CNOT1: variants seen among roughly 807,000 people sequenced by gnomAD.
CNOT1 encodes the protein CCR4-associated factor 1.
In CNOT1, 15 loss-of-function variants were observed where a neutral mutation model predicts 273.8. The observed-to-expected ratio is 0.05, with a 90% CI of 0.04 to 0.08. The LOEUF (loss-of-function observed/expected upper bound fraction) is 0.08. Among genes scored for constraint, CNOT1 ranks in the 10% least tolerant of loss-of-function variants. CNOT1 has a pLI of 1.00. For missense variants in CNOT1, 1,644 were observed against 2,912.2 expected, an observed-to-expected ratio of 0.56 and a Z score of 10.02; for synonymous variants, 1,022 against 1,005.5, an observed-to-expected ratio of 1.02 and a Z score of -0.31.
chr16:58,596,898 A>AAAAAAAC, intron 2 of CNOT1, among the ~76,000 whole-genome samples: 1 of 63,198 alleles, frequency 1.6e-5, no homozygotes, highest in African/African-American at 4.4e-5. Flanking sequence ...AAAAAAAAAA[A>AAAAAAAC]AAAAAAAAAA....
intron 29 of CNOT1, 40 bp from the exon 30 acceptor site, chr16:58,545,531 T>C (rs1597431813): frequency 1.9e-6 from 3 of 1,609,670 alleles, no homozygotes; most frequent in East Asian, 4.5e-5. Context: ...AAAAGTACAT[T>C]TGTTGACTTT....
At chr16:58,610,180 G>C (rs2042843662) in intron 1 of CNOT1, among the ~76,000 whole-genome samples, 1 of 152,226 alleles carries the variant, frequency 6.6e-6, no homozygotes. Flanking sequence ...CACTTCAGGA[G>C]GCCGAGGTGG....
chr16:58,549,224 C>T (rs1478649193), intron 25 of CNOT1, among the ~76,000 whole-genome samples: 5 of 149,290 alleles, frequency 3.3e-5, no homozygotes, highest in African/African-American at 1.2e-4. Flanking sequence ...GAGGTGGAGG[C>T]TGCAGTGAGC....
chr16:58,542,008 T>C (rs2040109623), intron 33 of CNOT1, among the ~76,000 whole-genome samples: 1 of 152,204 alleles, frequency 6.6e-6, no homozygotes, highest in South Asian at 2.1e-4. Context: ...ATGAACTCCT[T>C]AGAGTAATAA....
chr16:58,536,967 C>A (rs202206586), intron 39 of CNOT1, 22 bp downstream of exon 39: 2 of 1,612,260 alleles, frequency 1.2e-6, no homozygotes, highest in Non-Finnish European at 1.7e-6. Flanking sequence ...ATAAAAAGCA[C>A]CTTTCTTTCC....
intron 42 of CNOT1, among the ~76,000 whole-genome samples, chr16:58,530,828 G>T (rs1597403608): frequency 6.6e-6 from 1 of 150,856 alleles, no homozygotes; most frequent in Non-Finnish European, 1.5e-5. Flanking sequence ...GCATTAAAAA[G>T]ATTAAAAAGG....
At chr16:58,593,608 C>T (rs190055405) in intron 2 of CNOT1, among the ~76,000 whole-genome samples, 7 of 151,088 alleles carry the variant, frequency 4.6e-5, no homozygotes, top group African/African-American at 1.7e-4. Context: ...GTAGCACATG[C>T]CTGTAGTCCT....
chr16:58,558,778 C>T, intron 17 of CNOT1, 104 bp from the exon 18 acceptor site: 1 of 1,426,664 alleles, frequency 7.0e-7, no homozygotes, highest in Non-Finnish European at 9.4e-7. Flanking sequence ...AAAAAGCAAA[C>T]TATTACACCC....
chr16:58,534,306 A>G lies in CNOT1; in HGVS notation c.5736T>C (p.Arg1912=). ...CTEMCVEISY[R]AQAEQQHNPA... The stretch of plus-strand genomic sequence containing the variant: ...GATTGTGCTGCTGCTCAGCCTGAGC[A>G]CGGTAACTGATTTCAACACACATTT... The change falls in exon 40 of 49, where the codon CGT becomes CGC. Residue 1912 remains arginine, a synonymous_variant. Transcript: ENST00000317147. The G allele has an allele frequency of 6.2e-7, 1 of 1,614,184 alleles. No individual in the cohort carries two copies. The highest frequency in any genetic ancestry group is 8.5e-7 in the Non-Finnish European group (1 of 1,180,048).
intron 16 of CNOT1, among the ~76,000 whole-genome samples, chr16:58,567,375 C>T (rs1458962161): frequency 1.3e-5 from 2 of 151,708 alleles, no homozygotes; most frequent in East Asian, 1.9e-4. Flanking sequence ...GTAATCCCAG[C>T]GCTTTCGGAA....
At position 58,629,778 on chromosome 16, in the gene CNOT1, T is replaced by G. The variant is rs1392340360; in HGVS notation, c.-225A>C. The G allele has an allele frequency of 6.6e-6, 1 of 152,394 alleles. No homozygotes were observed. Among genetic ancestry groups the G allele is most frequent in the Admixed American group, 6.5e-5 (1 of 15,282 alleles). 9.4% of individuals were successfully genotyped at this position (152,394 alleles called of 1,614,324 possible). A position where few individuals can be genotyped will look rare whatever the true frequency, so the allele number is the denominator to read the frequency against. On this transcript the variant is annotated 5_prime_UTR_variant, in exon 1 of 49. Transcript: ENST00000317147. The stretch of plus-strand genomic sequence containing the variant: ...CACAGGAAACTCCTGGGTCCCCGAC[T>G]CCGGCTCTCCTCGACCCCCTCTTCG...
At chr16:58,559,933 T>C (rs777210607) in intron 17 of CNOT1, 1 of 834,872 alleles carries the variant, frequency 1.2e-6, no homozygotes, top group Non-Finnish European at 1.9e-6. Context: ...GCAGTGCTTA[T>C]GTCTCAAGAG....
intron 12 of CNOT1, among the ~76,000 whole-genome samples, chr16:58,579,426 A>G (rs1453919363): frequency 6.6e-6 from 1 of 152,240 alleles, no homozygotes; most frequent in Non-Finnish European, 1.5e-5. Context: ...ATATTAAGGA[A>G]CTGTTATTTG....
chr16:58,618,093 G>C (rs2043158953), intron 1 of CNOT1, among the ~76,000 whole-genome samples: 1 of 152,194 alleles, frequency 6.6e-6, no homozygotes, highest in Non-Finnish European at 1.5e-5. Flanking sequence ...ATGGTATGCA[G>C]CTTACATAAA....
intron 1 of CNOT1, among the ~76,000 whole-genome samples, chr16:58,627,040 G>A (rs924229158): frequency 1.3e-5 from 2 of 151,836 alleles, no homozygotes; most frequent in African/African-American, 4.8e-5. Context: ...CCATTCTCTG[G>A]TATTGGGTAC....
chr16:58,600,044 A>G (rs1304815499), intron 1 of CNOT1, among the ~76,000 whole-genome samples: 1 of 151,886 alleles, frequency 6.6e-6, no homozygotes, highest in East Asian at 1.9e-4. Flanking sequence ...GCTCTGGGCA[A>G]CAGAGCAAGA....
At chr16:58,537,624 A>C in intron 38 of CNOT1, among the ~76,000 whole-genome samples, 1 of 152,216 alleles carries the variant, frequency 6.6e-6, no homozygotes, top group East Asian at 1.9e-4. Flanking sequence ...TAAAATCAGA[A>C]AGCTTTTAAG....
At chr16:58,541,648 G>T in intron 33 of CNOT1, 28 bp from the exon 34 acceptor site, 1 of 1,606,586 alleles carries the variant, frequency 6.2e-7, no homozygotes. Context: ...TATTTTGACA[G>T]AATTCACTCA....
intron 1 of CNOT1, among the ~76,000 whole-genome samples, chr16:58,618,210 G>C (rs1384972538): frequency 6.6e-6 from 1 of 152,060 alleles, no homozygotes; most frequent in African/African-American, 2.4e-5. Context: ...GGTGAGGTGG[G>C]AAGACTGACT....
Sources: allele counts gnomAD v4.1 joint callset (sites outside exome capture counted in the v4.1 genomes callset), GRCh38; gene constraint gnomAD v4.1.1; transcripts MANE v1.5; gene names NCBI Gene and HGNC (gene_info 2026-07-23, HGNC 2026-07-21).